CFAP221: variants seen among roughly 807,000 people sequenced by gnomAD.
CFAP221 encodes cilia- and flagella-associated protein 221.
A neutral mutation model predicts 113.1 loss-of-function variants in CFAP221; 97 were observed. The observed-to-expected ratio is 0.86, with a 90% CI of 0.73 to 1.02. The LOEUF is 1.02. Ranked by LOEUF, CFAP221 falls within the 50% of genes least tolerant of loss-of-function variation. The pLI is 0.00. For synonymous variants in CFAP221, 331 were observed against 354.4 expected (o/e 0.93, Z 0.74); for missense variants, 1,025 against 1,013.4 (o/e 1.01, Z -0.16).
At chr2:119,573,371 A>G (rs1190001273) in intron 6 of CFAP221, 4 of 152,216 alleles carry the variant, frequency 2.6e-5, no homozygotes, top group African/African-American at 9.6e-5. Context: ...GACTCATTTT[A>G]TGTGCCCCAA....
chr2:119,647,983 C>T (rs1395903266), intron 22 of CFAP221, among the ~76,000 whole-genome samples: 1 of 152,184 alleles, frequency 6.6e-6, no homozygotes, highest in African/African-American at 2.4e-5. Context: ...CCGCCACTCA[C>T]TCACAGTACA....
At chr2:119,646,737 G>A (rs1174095681) in intron 21 of CFAP221, among the ~76,000 whole-genome samples, 1 of 152,140 alleles carries the variant, frequency 6.6e-6, no homozygotes, top group Non-Finnish European at 1.5e-5. Context: ...TTAAACTCCA[G>A]GAAGTGTCTT....
intron 23 of CFAP221, among the ~76,000 whole-genome samples, chr2:119,655,124 C>A (rs537946654): frequency 3.3e-5 from 5 of 152,246 alleles, no homozygotes; most frequent in African/African-American, 1.2e-4. Flanking sequence ...TGGTTTCTGG[C>A]AAACATTTAT....
chr2:119,610,960 G>A (rs1265521480), intron 12 of CFAP221, among the ~76,000 whole-genome samples: 1 of 152,080 alleles, frequency 6.6e-6, no homozygotes, highest in African/African-American at 2.4e-5. Context: ...GTTGGCTCCT[G>A]GGAATAAGAA....
At position 119,629,869 on chromosome 2, in the gene CFAP221, T is replaced by A. The variant is rs370517473; in HGVS notation, c.1651-6T>A. 3.8e-5 allele frequency: 61 copies of A among 1,607,150 alleles called. No individual in the cohort carries two copies. Among genetic ancestry groups the A allele is most frequent in the Non-Finnish European group, 4.9e-5 (57 of 1,174,850 alleles). On this transcript the variant is annotated splice_region_variant and splice_polypyrimidine_tract_variant and intron_variant, in intron 16 of 23. Coordinates refer to ENST00000413369, the MANE Select transcript of CFAP221 (RefSeq NM_001271049.2). The stretch of plus-strand genomic sequence containing the variant: ...TGTTCTCTTTTTTTCTCCTTTCACA[T>A]TTTAGGCTCCTGATGGCCTTGGACT...
chr2:119,639,626 A>G (rs552715036), intron 20 of CFAP221, among the ~76,000 whole-genome samples, 155 bp from the exon 21 acceptor site: 25 of 152,334 alleles, frequency 1.6e-4, no homozygotes, highest in South Asian at 6.2e-4. Flanking sequence ...TGCTGAAGCA[A>G]TTGCCTTTTT....
intron 6 of CFAP221, among the ~76,000 whole-genome samples, chr2:119,573,913 A>G (rs1314963896): frequency 1.3e-5 from 2 of 152,258 alleles, no homozygotes; most frequent in Non-Finnish European, 2.9e-5. Flanking sequence ...AAAAGGGCCT[A>G]CATATTTCTT....
At chr2:119,626,931 G>GAA (rs34265737) in intron 15 of CFAP221, among the ~76,000 whole-genome samples, 46 of 141,294 alleles carry the variant, frequency 3.3e-4, no homozygotes, top group Admixed American at 7.1e-4. Flanking sequence ...CCCTGTCTCT[G>GAA]AAAAAAAAAA....
chr2:119,644,759 T>TATTTTA (rs1300723738), intron 21 of CFAP221, among the ~76,000 whole-genome samples: 1 of 152,182 alleles, frequency 6.6e-6, no homozygotes. Context: ...TACATATCCA[T>TATTTTA]ATTTTAGAAA....
At chr2:119,647,636 C>T (rs550698652) in intron 22 of CFAP221, among the ~76,000 whole-genome samples, 12 of 152,180 alleles carry the variant, frequency 7.9e-5, no homozygotes, top group Non-Finnish European at 1.8e-4. Context: ...GTACGTCCAG[C>T]TGGCTCACCT....
At position 119,618,358 on chromosome 2, in the gene CFAP221, G is replaced by A. The variant is rs13414300; in HGVS notation, c.1410+2649G>A. Among the ~76,000 whole-genome samples, 466 of 152,326 alleles carry A rather than the reference G, an allele frequency of 3.1e-3. 2 individuals carry two copies. The highest frequency in any genetic ancestry group is 0.011 in the African/African-American group (442 of 41,578). ...CCAGTGAGACCAATGCAGAAGGCAGGTGATTTCTGCATTTCCAACTGAGAT... is the reference window on the plus strand; with the variant it reads ...CCAGTGAGACCAATGCAGAAGGCAGATGATTTCTGCATTTCCAACTGAGAT... On this transcript the variant is annotated intron_variant, in intron 14 of 23. Transcript: ENST00000413369.
At chr2:119,626,090 G>A in intron 15 of CFAP221, among the ~76,000 whole-genome samples, 1 of 152,146 alleles carries the variant, frequency 6.6e-6, no homozygotes, top group Non-Finnish European at 1.5e-5. Context: ...TCCAGCTCCT[G>A]GAGTCCACCT....
intron 7 of CFAP221, among the ~76,000 whole-genome samples, chr2:119,591,747 G>A (rs1017130676): frequency 2.0e-5 from 3 of 152,188 alleles, no homozygotes; most frequent in Admixed American, 2.0e-4. Flanking sequence ...GAAGTCAGAT[G>A]GTTTGGCTCA....
At chr2:119,611,765 GAATCT>G (rs1685183974) in intron 13 of CFAP221, 23 bp downstream of exon 13, 1 of 1,556,592 alleles carries the variant, frequency 6.4e-7, no homozygotes, top group South Asian at 1.1e-5. Flanking sequence ...CCTTTATTTA[GAATCT>G]GATTATTGGC....
At chr2:119,572,384 T>G (rs1343764138) in intron 6 of CFAP221, among the ~76,000 whole-genome samples, 1 of 152,236 alleles carries the variant, frequency 6.6e-6, no homozygotes, top group Non-Finnish European at 1.5e-5. Context: ...AAATTTATAA[T>G]TATTCAATAT....
At chr2:119,643,465 T>C (rs1394082983) in intron 21 of CFAP221, among the ~76,000 whole-genome samples, 1 of 152,210 alleles carries the variant, frequency 6.6e-6, no homozygotes, top group Non-Finnish European at 1.5e-5. Flanking sequence ...TCTGATTTCA[T>C]AGATGAGTGA....
At chr2:119,629,489 TCTGA>T (rs1686611716) in intron 16 of CFAP221, among the ~76,000 whole-genome samples, 3 of 152,186 alleles carry the variant, frequency 2.0e-5, no homozygotes, top group African/African-American at 7.2e-5. Flanking sequence ...AGCGCTTGAC[TCTGA>T]CTGATGCAGT....
At chr2:119,603,630 T>G (rs1684514407) in intron 8 of CFAP221, among the ~76,000 whole-genome samples, 1 of 152,222 alleles carries the variant, frequency 6.6e-6, no homozygotes, top group Admixed American at 6.5e-5. Context: ...GGAAAACAAA[T>G]GTTTATCCTA....
At chr2:119,641,732 C>T (rs1276373582) in intron 21 of CFAP221, among the ~76,000 whole-genome samples, 5 of 152,182 alleles carry the variant, frequency 3.3e-5, no homozygotes, top group Non-Finnish European at 5.9e-5. Flanking sequence ...CACTAAGCGG[C>T]GCAGTCACTC....
Sources: gnomAD v4.1 joint callset for allele counts (sites outside exome capture counted in the v4.1 genomes callset) on GRCh38, gnomAD v4.1.1 for gene constraint, MANE v1.5 for transcripts, NCBI Gene and HGNC (gene_info 2026-07-23, HGNC 2026-07-21) for gene names.